The following ZBED5 variants were observed in gnomAD, a reference collection of about 807,000 sequenced individuals.
ZBED5 encodes zinc finger BED domain-containing protein 5.
ZBED5 carries 29 observed loss-of-function variants against 49.2 expected under a neutral mutation model. That is an observed-to-expected ratio of 0.59 (90% CI 0.44 to 0.80). The LOEUF (loss-of-function observed/expected upper bound fraction) is 0.80, where lower values mean the gene tolerates loss of function less well. Ranked by LOEUF, ZBED5 falls within the 30% of genes least tolerant of loss-of-function variation. The pLI is 0.00. For synonymous variants in ZBED5, 281 were observed against 292.5 expected (o/e 0.96, Z 0.40); for missense variants, 775 against 812.9 (o/e 0.95, Z 0.57).
chr11:10,853,335 A>C lies in ZBED5; in HGVS notation c.1611T>G (p.Ile537Met). ...AAATATCTTTATCAACTGTAGAATT[A>C]ATTTCAGTCAAAAAATCACTGAGTG... is the stretch of plus-strand genomic sequence containing the variant. ...FPTLSDFLTE[I>M]NSTVDKDICS... Residue 537 changes from isoleucine to methionine, a missense_variant, in exon 3 of 3, where the codon ATT becomes ATG. Ile to Met is a conservative substitution (Grantham distance 10). Transcript: ENST00000413761. The surrounding 1 kb of genome is among the most constrained non-coding windows in gnomAD (Gnocchi z 5.4). 6.4e-7 allele frequency: 1 copy of C among 1,551,652 alleles called. No individual in the cohort carries two copies. Among genetic ancestry groups the C allele is most frequent in the Non-Finnish European group, 8.7e-7 (1 of 1,146,942 alleles).
In ZBED5 at chr11:10,854,053, T is replaced by C. The variant is rs894349179; in HGVS notation, c.893A>G (p.Asn298Ser). Residue 298 changes from asparagine (N) to serine (S), a missense_variant, in exon 3 of 3, where the codon AAT (asparagine) becomes AGT (serine). Transcript: ENST00000413761. The surrounding 1 kb of genome is among the most constrained non-coding windows in gnomAD (Gnocchi z 5.0). ...GAGTAGGTCTTCCTCAATAGACTTATTAAACCTATAACGAACAAACACAAG... is the reference window on the plus strand; with the variant it reads ...GAGTAGGTCTTCCTCAATAGACTTACTAAACCTATAACGAACAAACACAAG... The part of the protein sequence containing the change: ...VLLVFVRYRF[N>S]KSIEEDLLLC... 2.6e-6 allele frequency: 4 copies of C among 1,551,280 alleles called. No individual in the cohort carries two copies. Among genetic ancestry groups the C allele is most frequent in the Non-Finnish European group, 3.5e-6 (4 of 1,146,914 alleles).
In ZBED5 at chr11:10,857,396, T is replaced by G. The variant is rs1848197460; in HGVS notation, c.-256+466A>C. 1 of 152,268 alleles carries G rather than the reference T, an allele frequency of 6.6e-6. No individual in the cohort carries two copies. Among genetic ancestry groups the G allele is most frequent in the Non-Finnish European group, 1.5e-5 (1 of 68,084 alleles). The allele number at this position is 152,268 out of a possible 1,614,324, so 9.4% of individuals were successfully genotyped here. ...TCCCCTATCTTCGGGCGGTTCCGGCTGGGAACAATACCCTCAGGGTCAGGA... is the reference window on the plus strand; with the variant it reads ...TCCCCTATCTTCGGGCGGTTCCGGCGGGGAACAATACCCTCAGGGTCAGGA... On this transcript the variant is annotated intron_variant, in intron 1 of 2. Coordinates refer to ENST00000413761, the MANE Select transcript of ZBED5 (RefSeq NM_001143667.2). This position sits in a 1 kb window ranked among gnomAD's most constrained non-coding sequence, Gnocchi z 6.3.
Position 10,854,875 on chromosome 11 carries a change from T to G in ZBED5, c.71A>C (p.Lys24Thr). Residue 24 changes from lysine to threonine, a missense_variant, in exon 3 of 3, where the codon AAA becomes ACA. Physicochemically the swap from Lys to Thr is moderately conservative, Grantham distance 78. Coordinates refer to ENST00000413761, the MANE Select transcript of ZBED5 (RefSeq NM_001143667.2). This position sits in a 1 kb window ranked among gnomAD's most constrained non-coding sequence, Gnocchi z 5.0. ...NTFAILNVYS[K>T]LTMFCTTNSL... ...GTTTGTGGTACAAAACATGGTTAAT[T>G]TAGAATAGACATTGAGTATCGCAAA... 1 of 1,551,766 alleles carries G rather than the reference T, an allele frequency of 6.4e-7. No homozygotes were observed. Among genetic ancestry groups the G allele is most frequent in the South Asian group, 1.2e-5 (1 of 84,066 alleles).
Position 10,853,654 on chromosome 11 carries a change from T to A in ZBED5, c.1292A>T (p.Glu431Val). ...TTTACCTCGAGAAAGCCACCTCACC[T>A]CTGTATTTAGAAGAAGTGCTGTGTG... Reference protein sequence around the residue: ...AQHTALLLNTEVRWLSRGKVL... With the variant: ...AQHTALLLNTVVRWLSRGKVL... The change falls in exon 3 of 3, where the codon GAG becomes GTG. Residue 431 changes from glutamate to valine, a missense_variant. Transcript: ENST00000413761. The surrounding 1 kb of genome is among the most constrained non-coding windows in gnomAD (Gnocchi z 5.4). 6.4e-7 allele frequency: 1 copy of A among 1,551,648 alleles called. No homozygotes were observed. The highest frequency in any genetic ancestry group is 2.0e-5 in the Admixed American group (1 of 51,004).
In ZBED5 at chr11:10,858,039, C is replaced by A. The variant is rs1234122395; in HGVS notation, c.-433G>T. The A allele has an allele frequency of 4.6e-5, 15 of 327,038 alleles. No homozygotes were observed. The East Asian group carries it at 7.1e-4, about 15-fold the overall frequency. The allele number at this position is 327,038 out of a possible 1,614,324, so 20.3% of individuals were successfully genotyped here. A position where few individuals can be genotyped will look rare whatever the true frequency, so the allele number is the denominator to read the frequency against. On this transcript the variant is annotated 5_prime_UTR_variant, in exon 1 of 3. Coordinates refer to ENST00000413761, the MANE Select transcript of ZBED5 (RefSeq NM_001143667.2). ...CCATAGAGATCCGATTCGCGGCTGG[C>A]GCGGTCGCCGGTCTGAAGATAAATT...
In ZBED5 at chr11:10,854,059, CTATAA is replaced by C; in HGVS notation, c.882_886del (p.Tyr295ValfsTer2). 1 of 1,551,122 alleles carries C rather than the reference CTATAA, an allele frequency of 6.4e-7. No homozygotes were observed. The highest frequency in any genetic ancestry group is 1.2e-5 in the South Asian group (1 of 84,036). ...GTCTTCCTCAATAGACTTATTAAACCTATAACGAACAAACACAAGCAGCACAGCAA... is the reference window on the plus strand; with the variant it reads ...GTCTTCCTCAATAGACTTATTAAACCCGAACAAACACAAGCAGCACAGCAA... On this transcript the variant is annotated frameshift_variant, in exon 3 of 3. Transcript: ENST00000413761. LOFTEE classifies it high-confidence loss of function. The surrounding 1 kb of genome is among the most constrained non-coding windows in gnomAD (Gnocchi z 5.0).
In ZBED5 at chr11:10,857,407, C is replaced by G. The variant is rs920213306; in HGVS notation, c.-256+455G>C. 1.3e-5 allele frequency: 2 copies of G among 152,274 alleles called. No individual in the cohort carries two copies. The highest frequency in any genetic ancestry group is 2.4e-5 in the African/African-American group (1 of 41,450). The allele number at this position is 152,274 out of a possible 1,614,324, so 9.4% of individuals were successfully genotyped here. A position where few individuals can be genotyped will look rare whatever the true frequency, so the allele number is the denominator to read the frequency against. On this transcript the variant is annotated intron_variant, in intron 1 of 2. Coordinates refer to ENST00000413761, the MANE Select transcript of ZBED5 (RefSeq NM_001143667.2). The surrounding 1 kb of genome is among the most constrained non-coding windows in gnomAD (Gnocchi z 6.3). ...CGGGCGGTTCCGGCTGGGAACAATACCCTCAGGGTCAGGAGGACAGGATCT... is the reference window on the plus strand; with the variant it reads ...CGGGCGGTTCCGGCTGGGAACAATAGCCTCAGGGTCAGGAGGACAGGATCT...
rs1848136482 is a variant in ZBED5 at position 10,853,784 on chromosome 11, G to A, written c.1162C>T (p.Leu388=). ...ALAVKIMPTS[L]KNVLDQAVQI... Reference sequence around the variant, plus strand: ...ACTGCCTGGTCTAGCACATTTTTTAGAGATGTAGGCATTATTTTAACTGCC... The same window carrying A: ...ACTGCCTGGTCTAGCACATTTTTTAAAGATGTAGGCATTATTTTAACTGCC... Residue 388 remains leucine, a synonymous_variant, in exon 3 of 3, where the codon CTA becomes TTA. Transcript: ENST00000413761. This position sits in a 1 kb window ranked among gnomAD's most constrained non-coding sequence, Gnocchi z 5.4. 3.2e-6 allele frequency: 5 copies of A among 1,551,536 alleles called. No homozygotes were observed. The highest frequency in any genetic ancestry group is 4.4e-6 in the Non-Finnish European group (5 of 1,146,906).
chr11:10,853,987 A>G lies in ZBED5; in HGVS notation c.959T>C (p.Ile320Thr), dbSNP rs1362444550. Residue 320 changes from isoleucine (I) to threonine (T), a missense_variant, in exon 3 of 3, where the codon ATA becomes ACA. Physicochemically the swap from Ile to Thr is moderately conservative, Grantham distance 89 (BLOSUM62 -1). Coordinates refer to ENST00000413761, the MANE Select transcript of ZBED5 (RefSeq NM_001143667.2). This position sits in a 1 kb window ranked among gnomAD's most constrained non-coding sequence, Gnocchi z 5.4. The stretch of plus-strand genomic sequence containing the variant: ...CATAAAACTGTTGATACAGTTGAAT[A>G]TTTCTTCACCGGTAGCATTACTTTG... ...SLQSNATGEE[I>T]FNCINSFMQK... 8.4e-6 allele frequency: 13 copies of G among 1,551,566 alleles called. No individual in the cohort carries two copies. The highest frequency in any genetic ancestry group is 1.0e-5 in the Non-Finnish European group (12 of 1,146,938).
Position 10,853,408 on chromosome 11 carries a change from T to C in ZBED5, c.1538A>G (p.Glu513Gly), listed in dbSNP as rs1848129083. The change falls in exon 3 of 3, where the codon GAA becomes GGA. Residue 513 changes from glutamate to glycine, a missense_variant. Glu to Gly is a moderately conservative substitution (Grantham distance 98, BLOSUM62 -2). Transcript: ENST00000413761. The surrounding 1 kb of genome is among the most constrained non-coding windows in gnomAD (Gnocchi z 5.4). ...TTCTTCTACAGATGAGGCCCAAAAT[T>C]CCAATTTTCTTAACAATGACGACAT... The part of the protein sequence containing the change: ...DKMSSLLRKL[E>G]FWASSVEEEN... The C allele has an allele frequency of 2.6e-6, 4 of 1,549,504 alleles. No homozygotes were observed. The highest frequency in any genetic ancestry group is 3.5e-6 in the Non-Finnish European group (4 of 1,145,978).
In ZBED5 at chr11:10,855,047, C is replaced by T; in HGVS notation, c.-102G>A. ...TACGTTCATGTATCAGGTGATCTCT[C>T]ATGCGACTTCCTGGTGCTCTCAGGT... On this transcript the variant is annotated 5_prime_UTR_variant, in exon 3 of 3. An upstream start codon of the reference 5' UTR is lost. Transcript: ENST00000413761. The surrounding 1 kb of genome is among the most constrained non-coding windows in gnomAD (Gnocchi z 4.1). 1 of 1,385,118 alleles carries T rather than the reference C, an allele frequency of 7.2e-7. No individual in the cohort carries two copies. Among genetic ancestry groups the T allele is most frequent in the Non-Finnish European group, 9.6e-7 (1 of 1,036,512 alleles). 85.8% of individuals were successfully genotyped at this position (1,385,118 alleles called of 1,614,324 possible). A position where few individuals can be genotyped will look rare whatever the true frequency, so the allele number is the denominator to read the frequency against.
In ZBED5 at chr11:10,853,336, AT is replaced by A; in HGVS notation, c.1609del (p.Ile537LeufsTer17). 1 of 1,551,674 alleles carries A rather than the reference AT, an allele frequency of 6.4e-7. No homozygotes were observed. The highest frequency in any genetic ancestry group is 8.7e-7 in the Non-Finnish European group (1 of 1,146,950). Reference protein sequence around the residue: ...FPTLSDFLTEINSTVDKDICS... With the variant: ...FPTLSDFLTEXNSTVDKDICS... ...AATATCTTTATCAACTGTAGAATTA[AT>A]TTCAGTCAAAAAATCACTGAGTGTA... On this transcript the variant is annotated frameshift_variant, in exon 3 of 3. Coordinates refer to ENST00000413761, the MANE Select transcript of ZBED5 (RefSeq NM_001143667.2). LOFTEE classifies it high-confidence loss of function. The surrounding 1 kb of genome is among the most constrained non-coding windows in gnomAD (Gnocchi z 5.4).
In ZBED5 at chr11:10,853,272, A is replaced by C; in HGVS notation, c.1674T>G (p.Ala558=). The C allele has an allele frequency of 6.4e-7, 1 of 1,551,660 alleles. No homozygotes were observed. Among genetic ancestry groups the C allele is most frequent in the East Asian group, 2.4e-5 (1 of 40,924 alleles). Residue 558 remains alanine, a synonymous_variant, in exon 3 of 3, where the codon GCT becomes GCG. Coordinates refer to ENST00000413761, the MANE Select transcript of ZBED5 (RefSeq NM_001143667.2). This position sits in a 1 kb window ranked among gnomAD's most constrained non-coding sequence, Gnocchi z 5.4. ...TTACAGGAAAGTATTTTAACAGAGT[A>C]GCGCGCAAACCCCTTAGGTGCTGCA... ...AIVQHLRGLR[A]TLLKYFPVTN... is the part of the protein sequence containing the mutation.
At position 10,855,075 on chromosome 11, in the gene ZBED5, G is replaced by A; in HGVS notation, c.-130C>T. On this transcript the variant is annotated 5_prime_UTR_variant, in exon 3 of 3. Coordinates refer to ENST00000413761, the MANE Select transcript of ZBED5 (RefSeq NM_001143667.2). This position sits in a 1 kb window ranked among gnomAD's most constrained non-coding sequence, Gnocchi z 4.1. ...GCGACTTCCTGGTGCTCTCAGGTAT[G>A]GTACACCTTTTCTTAAAGGTAGATT... The A allele has an allele frequency of 8.9e-7, 1 of 1,128,588 alleles. No individual in the cohort carries two copies. Among genetic ancestry groups the A allele is most frequent in the Non-Finnish European group, 1.2e-6 (1 of 821,264 alleles). The allele number at this position is 1,128,588 out of a possible 1,614,324, so 69.9% of individuals were successfully genotyped here. A position where few individuals can be genotyped will look rare whatever the true frequency, so the allele number is the denominator to read the frequency against.
Position 10,853,754 on chromosome 11 carries a change from T to A in ZBED5, c.1192A>T (p.Ile398Phe), listed in dbSNP as rs1246589372. The A allele has an allele frequency of 6.4e-7, 1 of 1,551,636 alleles. No individual in the cohort carries two copies. The highest frequency in any genetic ancestry group is 8.7e-7 in the Non-Finnish European group (1 of 1,146,926). ...LKNVLDQAVQ[I>F]INYIKARPHQ... is the part of the protein sequence containing the mutation. ...GGTCGAGCTTTAATATAATTGATGA[T>A]TTGTACTGCCTGGTCTAGCACATTT... The change falls in exon 3 of 3, where the codon ATC becomes TTC. Residue 398 changes from isoleucine (I) to phenylalanine (F), a missense_variant. By Grantham distance (21) the Ile-to-Phe change is conservative (BLOSUM62 0). Transcript: ENST00000413761. This position sits in a 1 kb window ranked among gnomAD's most constrained non-coding sequence, Gnocchi z 5.4.
Position 10,853,603 on chromosome 11 carries a change from C to T in ZBED5, c.1343G>A (p.Arg448His), listed in dbSNP as rs888073249. 42 of 1,550,976 alleles carry T rather than the reference C, an allele frequency of 2.7e-5. No homozygotes were observed. The highest frequency in any genetic ancestry group is 8.3e-5 in the South Asian group (7 of 83,992). Residue 448 changes from arginine to histidine, a missense_variant, in exon 3 of 3, where the codon CGT (arginine) becomes CAT (histidine). By Grantham distance (29) the Arg-to-His change is conservative (BLOSUM62 0). Transcript: ENST00000413761. This position sits in a 1 kb window ranked among gnomAD's most constrained non-coding sequence, Gnocchi z 5.4. ...GKVLVRLFEL[R>H]RELLVFMDSA... The stretch of plus-strand genomic sequence containing the variant: ...ATCCATGAAAACCAAAAGTTCACGA[C>T]GAAGTTCAAAAAGTCTTACAAGAAC...
intron 1 of ZBED5, among the ~76,000 whole-genome samples, chr11:10,856,885 C>T (rs1396345169): frequency 6.6e-6 from 1 of 152,182 alleles, no homozygotes; most frequent in Admixed American, 6.5e-5. Flanking sequence ...GACTGCATAG[C>T]CCATGTGTCT....
chr11:10,853,937 T>C lies in ZBED5; in HGVS notation c.1009A>G (p.Lys337Glu). The C allele has an allele frequency of 1.9e-6, 3 of 1,551,536 alleles. No individual in the cohort carries two copies. The highest frequency in any genetic ancestry group is 2.6e-6 in the Non-Finnish European group (3 of 1,146,948). Residue 337 changes from lysine to glutamate, a missense_variant, in exon 3 of 3, where the codon AAA (lysine) becomes GAA (glutamate). Transcript: ENST00000413761. This position sits in a 1 kb window ranked among gnomAD's most constrained non-coding sequence, Gnocchi z 5.4. ...GCATCACTACAAACATCAACACATTTTTCCCATTCAATTTCATGTTTCTGC... is the reference window on the plus strand; with the variant it reads ...GCATCACTACAAACATCAACACATTCTTCCCATTCAATTTCATGTTTCTGC... ...FMQKHEIEWE[K>E]CVDVCSDASR...
At position 10,853,946 on chromosome 11, in the gene ZBED5, C is replaced by G. The variant is rs577272762; in HGVS notation, c.1000G>C (p.Glu334Gln). The G allele has an allele frequency of 1.3e-6, 2 of 1,551,538 alleles. No individual in the cohort carries two copies. The highest frequency in any genetic ancestry group is 1.7e-6 in the Non-Finnish European group (2 of 1,146,938). Reference protein sequence around the residue: ...INSFMQKHEIEWEKCVDVCSD... With the variant: ...INSFMQKHEIQWEKCVDVCSD... ...CAAACATCAACACATTTTTCCCATT[C>G]AATTTCATGTTTCTGCATAAAACTG... Residue 334 changes from glutamate (E) to glutamine (Q), a missense_variant, in exon 3 of 3, where the codon GAA (glutamate) becomes CAA (glutamine). Glu to Gln is a conservative substitution (Grantham distance 29). Transcript: ENST00000413761. This position sits in a 1 kb window ranked among gnomAD's most constrained non-coding sequence, Gnocchi z 5.4.
Sources: gnomAD v4.1 joint callset for allele counts (sites outside exome capture counted in the v4.1 genomes callset) on GRCh38, gnomAD v4.1.1 for gene constraint, Gnocchi (gnomAD v3.1) non-coding constraint, MANE v1.5 for transcripts, NCBI Gene and HGNC (gene_info 2026-07-23, HGNC 2026-07-21) for gene names.